Variants in AUTS2 observed in about 807,000 individuals in gnomAD.
AUTS2 encodes autism susceptibility gene 2 protein.
Under a neutral mutation model 112.4 loss-of-function variants are expected in AUTS2, and 17 were observed. The observed-to-expected ratio is 0.15, with a 90% confidence interval of 0.10 to 0.23. The LOEUF is 0.23. Ranked by LOEUF, AUTS2 falls within the 10% of genes least tolerant of loss-of-function variation. The pLI is 1.00. For missense variants in AUTS2, 1,510 were observed against 1,701.6 expected (o/e 0.89, Z 1.98); for synonymous variants, 751 against 702.7 (o/e 1.07, Z -1.09).
intron 2 of AUTS2, among the ~76,000 whole-genome samples, chr7:70,088,815 T>C (rs533663917): frequency 1.3e-5 from 2 of 152,166 alleles, no homozygotes; most frequent in African/African-American, 4.8e-5. Flanking sequence ...GGTTTCACAA[T>C]GTTGGCCAGG....
chr7:69,992,307 A>G (rs62458792), intron 2 of AUTS2, among the ~76,000 whole-genome samples: 9,142 of 152,318 alleles, frequency 0.06, 410 homozygotes, highest in Non-Finnish European at 0.082. Flanking sequence ...TTCTGAATCT[A>G]AAAGCCTTGT....
intron 5 of AUTS2, among the ~76,000 whole-genome samples, chr7:70,510,170 C>T (rs1799124204): frequency 6.6e-6 from 1 of 152,206 alleles, no homozygotes; most frequent in African/African-American, 2.4e-5. Context: ...TGAGCCATTC[C>T]AGAATAGGGT....
At chr7:70,326,407 A>T (rs999566300) in intron 4 of AUTS2, among the ~76,000 whole-genome samples, 4 of 152,146 alleles carry the variant, frequency 2.6e-5, no homozygotes, top group Non-Finnish European at 5.9e-5. Flanking sequence ...CCACACTTGC[A>T]CATGCACACA....
At chr7:70,681,458 G>A (rs1006645456) in intron 5 of AUTS2, among the ~76,000 whole-genome samples, 2 of 152,026 alleles carry the variant, frequency 1.3e-5, no homozygotes, top group Non-Finnish European at 2.9e-5. Flanking sequence ...CGCTACTGGG[G>A]GTGAGAAAAT....
intron 1 of AUTS2, among the ~76,000 whole-genome samples, chr7:69,759,278 A>G (rs1788066608): frequency 6.6e-6 from 1 of 151,932 alleles, no homozygotes; most frequent in South Asian, 2.1e-4. Context: ...AGTTTGAAAC[A>G]TCTGTATCTA....
intron 2 of AUTS2, among the ~76,000 whole-genome samples, chr7:70,086,883 A>G (rs1014951504): frequency 2.0e-5 from 3 of 151,060 alleles, no homozygotes; most frequent in Non-Finnish European, 2.9e-5. Flanking sequence ...ATTTATTTGT[A>G]TTGTATATAT....
chr7:70,404,302 C>T lies in AUTS2; in HGVS notation c.661-31450C>T, dbSNP rs77534192. On this transcript the variant is annotated intron_variant, in intron 4 of 18. Transcript: ENST00000342771. ...CCGTCAATAGAGATTGCTGGCTTGT[C>T]ATCCAGTTTCCTAAATTTCCTGACT... Among the ~76,000 whole-genome samples the T allele has an allele frequency of 2.2e-3, 340 of 152,280 alleles. 3 individuals are homozygous for T. The highest frequency in any genetic ancestry group is 7.9e-3 in the African/African-American group (328 of 41,556).
intron 2 of AUTS2, among the ~76,000 whole-genome samples, chr7:69,964,157 A>G (rs1797539725): frequency 6.6e-6 from 1 of 152,166 alleles, no homozygotes; most frequent in African/African-American, 2.4e-5. Flanking sequence ...ATACAGTTAC[A>G]GTCTTCTCAG....
chr7:70,183,258 G>A (rs1450772716), intron 4 of AUTS2, among the ~76,000 whole-genome samples: 1 of 152,194 alleles, frequency 6.6e-6, no homozygotes, highest in African/African-American at 2.4e-5. Context: ...AAGCTGGCAT[G>A]TGGATTTTAC....
chr7:69,918,942 T>A (rs1238203713), intron 2 of AUTS2, among the ~76,000 whole-genome samples: 1 of 152,094 alleles, frequency 6.6e-6, no homozygotes, highest in Non-Finnish European at 1.5e-5. Flanking sequence ...TTAAGAAAAA[T>A]CTTTATATTC....
At chr7:70,398,644 C>G (rs1436442742) in intron 4 of AUTS2, among the ~76,000 whole-genome samples, 1 of 152,068 alleles carries the variant, frequency 6.6e-6, no homozygotes, top group Non-Finnish European at 1.5e-5. Context: ...TTTGATCTTT[C>G]TACATAGATA....
chr7:70,723,188 G>T (rs138171979), intron 6 of AUTS2, among the ~76,000 whole-genome samples: 415 of 152,278 alleles, frequency 2.7e-3, no homozygotes, highest in African/African-American at 9.3e-3. Context: ...CTGACTGAAA[G>T]CTTCTTAGTT....
chr7:70,787,761 A>G lies in AUTS2; in HGVS notation c.2531+330A>G, dbSNP rs536125570. On this transcript the variant is annotated intron_variant, in intron 18 of 18. Coordinates refer to ENST00000342771, the MANE Select transcript of AUTS2 (RefSeq NM_015570.4). ...GAGCTTCGGGCCAGACACACACAGC[A>G]TGAATCAATTCCATATTTGCTTTCA... 6.6e-5 allele frequency among the ~76,000 whole-genome samples: 10 copies of G among 152,344 alleles called. No homozygotes were observed. In the East Asian group the frequency reaches 1.9e-3, roughly 29 times the overall value.
intron 5 of AUTS2, among the ~76,000 whole-genome samples, chr7:70,564,367 A>C (rs927500292): frequency 7.2e-5 from 11 of 152,194 alleles, no homozygotes; most frequent in African/African-American, 2.4e-4. Flanking sequence ...CTATGTTTTT[A>C]TACCCAGCAC....
In AUTS2 at chr7:70,467,330, C is replaced by T. The variant is rs969441108; in HGVS notation, c.690+31549C>T. The stretch of plus-strand genomic sequence containing the variant: ...TATTCATTTTCTTAAAAAGCACCCT[C>T]CACAAGGGTTTAAGCTTCAGACTCC... On this transcript the variant is annotated intron_variant, in intron 5 of 18. Coordinates refer to ENST00000342771, the MANE Select transcript of AUTS2 (RefSeq NM_015570.4). 2.0e-5 allele frequency among the ~76,000 whole-genome samples: 3 copies of T among 152,218 alleles called. 1 individual carries two copies. Among genetic ancestry groups the T allele is most frequent in the Non-Finnish European group, 4.4e-5 (3 of 68,032 alleles).
chr7:70,251,508 T>C (rs1786600592), intron 4 of AUTS2, among the ~76,000 whole-genome samples: 1 of 152,214 alleles, frequency 6.6e-6, no homozygotes, highest in Non-Finnish European at 1.5e-5. Flanking sequence ...ATTGATATTT[T>C]TCATCAGTTT....
chr7:70,619,188 A>C (rs1001305375), intron 5 of AUTS2, among the ~76,000 whole-genome samples: 1 of 152,140 alleles, frequency 6.6e-6, no homozygotes, highest in East Asian at 1.9e-4. Context: ...TGTCAAACAA[A>C]TTAGAGCATC....
rs111378843 is a variant in AUTS2, at chr7:69,971,979, C to A, written c.522+72481C>A. On this transcript the variant is annotated intron_variant, in intron 2 of 18. Transcript: ENST00000342771. ...TGCTGGGTAGTATGTATAGTATTTG[C>A]GTGGTTAATTTTTAAGAAGCCACCA... Among the ~76,000 whole-genome samples the A allele has an allele frequency of 1.7e-3, 256 of 152,184 alleles. 6 individuals carry two copies. Among genetic ancestry groups the A allele is most frequent in the African/African-American group, 5.8e-3 (242 of 41,520 alleles).
intron 4 of AUTS2, among the ~76,000 whole-genome samples, chr7:70,429,543 G>A (rs569827400): frequency 4.6e-5 from 7 of 152,346 alleles, no homozygotes; most frequent in South Asian, 2.1e-4. Context: ...GTGAGTGGGC[G>A]TGGTTGAAGC....
Sources: gnomAD v4.1 joint callset for allele counts (sites outside exome capture counted in the v4.1 genomes callset) on GRCh38, gnomAD v4.1.1 for gene constraint, MANE v1.5 for transcripts, NCBI Gene and HGNC (gene_info 2026-07-23, HGNC 2026-07-21) for gene names.